The following SEMA5B variants were observed in gnomAD, a reference collection of about 807,000 sequenced individuals.
SEMA5B encodes the protein semaphorin-5B.
Under a neutral mutation model 135.0 loss-of-function variants are expected in SEMA5B, and 66 were observed. The ratio of observed to expected loss-of-function variants is 0.49; its 90% CI spans 0.40 to 0.60. The LOEUF (loss-of-function observed/expected upper bound fraction) is 0.60. Ranked by LOEUF, SEMA5B falls within the 20% of genes least tolerant of loss-of-function variation. SEMA5B has a pLI of 0.00. For synonymous variants in SEMA5B, 690 were observed against 639.5 expected (o/e 1.08, Z -1.19); for missense variants, 1,501 against 1,566.3 (o/e 0.96, Z 0.70).
At position 122,913,555 on chromosome 3, in the gene SEMA5B, G is replaced by A; in HGVS notation, c.2259C>T (p.Asn753=). The change falls in exon 16 of 23, where the codon AAC becomes AAT. Residue 753 remains asparagine, a synonymous_variant. Transcript: ENST00000357599. ...QSRRRACENG[N]SCLGCGVEFK... ...TCACCACGCCGCAGCCCAGGCAGGA[G>A]TTGCCGTTCTCGCAGGCCCGACGCC... 1 of 1,612,662 alleles carries A rather than the reference G, an allele frequency of 6.2e-7. No homozygotes were observed. Among genetic ancestry groups the A allele is most frequent in the Non-Finnish European group, 8.5e-7 (1 of 1,179,844 alleles).
chr3:122,983,359 AT>A (rs576683108), intron 1 of SEMA5B, among the ~76,000 whole-genome samples: 1 of 151,816 alleles, frequency 6.6e-6, no homozygotes, highest in South Asian at 2.1e-4. Flanking sequence ...GTCTAACTTA[AT>A]TTTTTTCTCC....
At chr3:122,984,755 T>C (rs1941643116) in intron 1 of SEMA5B, among the ~76,000 whole-genome samples, 1 of 151,808 alleles carries the variant, frequency 6.6e-6, no homozygotes, top group Non-Finnish European at 1.5e-5. Context: ...AAGTTCTACT[T>C]AAAAAAAAGT....
At chr3:122,946,731 G>T (rs535425102) in intron 3 of SEMA5B, among the ~76,000 whole-genome samples, 4 of 152,088 alleles carry the variant, frequency 2.6e-5, no homozygotes, top group African/African-American at 9.6e-5. Context: ...CACCTCTGAG[G>T]CCCCACAGCA....
rs761003092 is a variant in SEMA5B at position 122,961,139 on chromosome 3, C to T, written c.124+1G>A. 1.6e-5 allele frequency: 25 copies of T among 1,610,290 alleles called. No homozygotes were observed. The South Asian group carries it at 2.1e-4, about 14-fold the overall frequency. On this transcript the variant is annotated splice_donor_variant, in intron 2 of 22. Transcript: ENST00000357599. LOFTEE classifies it high-confidence loss of function. ...CCCCACACTCCCCTGGGCACACTTACCCCTGACCAGTGAGAGAAGCCAGCC... is the reference window on the plus strand; with the variant it reads ...CCCCACACTCCCCTGGGCACACTTATCCCTGACCAGTGAGAGAAGCCAGCC...
At chr3:122,935,149 A>C (rs1198239961) in intron 5 of SEMA5B, among the ~76,000 whole-genome samples, 2 of 152,340 alleles carry the variant, frequency 1.3e-5, no homozygotes, top group East Asian at 3.9e-4. Flanking sequence ...GCTCACTGGG[A>C]ACTCCATGGG....
At chr3:123,020,943 G>GAGAGCTGTTGAAAGGGAGC (rs1304407148) in intron 1 of SEMA5B, among the ~76,000 whole-genome samples, 3 of 152,218 alleles carry the variant, frequency 2.0e-5, no homozygotes, top group African/African-American at 7.2e-5. Flanking sequence ...CTGGAACCTG[G>GAGAGCTGTTGAAAGGGAGC]AGAGCTGTTG....
intron 10 of SEMA5B, 122 bp downstream of exon 10, chr3:122,923,495 C>T: frequency 9.2e-7 from 1 of 1,083,594 alleles, no homozygotes; most frequent in Non-Finnish European, 1.4e-6. Flanking sequence ...CAGAGATGGG[C>T]ATGGACTGGC....
In SEMA5B at chr3:123,018,724, T is replaced by G. The variant is rs532574167; in HGVS notation, c.-39+8740A>C. ...CTGTCCCCAACATCCAATTCTCCAC[T>G]TTAAACAGTATCTGATTTCCAGTAG... On this transcript the variant is annotated intron_variant, in intron 1 of 22. Coordinates refer to ENST00000357599, the MANE Select transcript of SEMA5B (RefSeq NM_001031702.4). 2.2e-4 allele frequency among the ~76,000 whole-genome samples: 34 copies of G among 152,294 alleles called. No homozygotes were observed. In the East Asian group the frequency reaches 6.6e-3, roughly 29 times the overall value.
chr3:123,025,230 GGGC>G (rs1942771340), intron 1 of SEMA5B, among the ~76,000 whole-genome samples: 1 of 152,154 alleles, frequency 6.6e-6, no homozygotes, highest in Admixed American at 6.5e-5. Flanking sequence ...TCCTATCTCA[GGGC>G]AGAGTCAATA....
intron 1 of SEMA5B, among the ~76,000 whole-genome samples, chr3:123,023,096 G>C (rs1174538877): frequency 6.6e-6 from 1 of 152,172 alleles, no homozygotes. Flanking sequence ...CACGATGCCA[G>C]TGAAAAATCC....
intron 2 of SEMA5B, among the ~76,000 whole-genome samples, chr3:122,954,477 C>T (rs1038928129): frequency 2.2e-4 from 34 of 152,370 alleles, no homozygotes; most frequent in African/African-American, 7.9e-4. Flanking sequence ...CTGTCCTCGC[C>T]TTCCTCCTTT....
At chr3:123,011,085 C>T (rs1007633042) in intron 1 of SEMA5B, among the ~76,000 whole-genome samples, 4 of 152,186 alleles carry the variant, frequency 2.6e-5, no homozygotes, top group African/African-American at 9.7e-5. Context: ...GGGAGATGTA[C>T]AGCAAGCCCC....
intron 3 of SEMA5B, among the ~76,000 whole-genome samples, chr3:122,947,866 T>C (rs1019303263): frequency 6.6e-6 from 1 of 152,078 alleles, no homozygotes; most frequent in Non-Finnish European, 1.5e-5. Context: ...GTGTAACAGA[T>C]CGTGAGAGAA....
rs760351333 is a variant in SEMA5B, at chr3:122,929,028, G to A, written c.505C>T (p.Arg169Cys). The A allele has an allele frequency of 7.4e-6, 12 of 1,612,152 alleles. No homozygotes were observed. The highest frequency in any genetic ancestry group is 4.0e-5 in the African/African-American group (3 of 74,930). Residue 169 changes from arginine to cysteine, a missense_variant, in exon 6 of 23, where the codon CGC becomes TGC. Physicochemically the swap from Arg to Cys is radical, Grantham distance 180 (BLOSUM62 -3). Transcript: ENST00000357599. ...ATEWASSEDT[R>C]RSCQSKGKTE... ...TTCCCTTTGCTTTGGCAGGAGCGGC[G>A]CGTGTCCTCACTGGAGGCCCACTCT...
In SEMA5B at chr3:122,913,604, T is replaced by TTGC; in HGVS notation, c.2207_2209dup (p.Ser736dup). 6.2e-7 allele frequency: 1 copy of TTGC among 1,613,406 alleles called. No homozygotes were observed. The highest frequency in any genetic ancestry group is 8.5e-7 in the Non-Finnish European group (1 of 1,179,930). On this transcript the variant is annotated inframe_insertion, in exon 16 of 23. Transcript: ENST00000357599. Reference sequence around the variant, plus strand: ...CCGCGACTGCATGCCCCCTCCACAGTTGCTGCTGCACTTGCTCCAGGAGCC... The same window carrying TTGC: ...CCGCGACTGCATGCCCCCTCCACAGTTGCTGCTGCTGCACTTGCTCCAGGAGCC...
chr3:122,943,284 T>C, intron 4 of SEMA5B, 152 bp downstream of exon 4: 2 of 578,260 alleles, frequency 3.5e-6, no homozygotes, highest in Non-Finnish European at 6.2e-6. Flanking sequence ...CTTCCTCCTG[T>C]GGGGGGACAG....
chr3:122,974,872 A>T (rs1390315284), intron 1 of SEMA5B, among the ~76,000 whole-genome samples: 2 of 152,202 alleles, frequency 1.3e-5, no homozygotes, highest in Non-Finnish European at 2.9e-5. Flanking sequence ...AACAGCTAAC[A>T]GGCTTACTAT....
At chr3:123,025,095 C>T (rs1282858271) in intron 1 of SEMA5B, among the ~76,000 whole-genome samples, 1 of 152,200 alleles carries the variant, frequency 6.6e-6, no homozygotes, top group East Asian at 1.9e-4. Flanking sequence ...TCCTCCAGTC[C>T]TAATGGGGAG....
chr3:122,933,959 G>A (rs1939116532), intron 5 of SEMA5B, among the ~76,000 whole-genome samples: 1 of 150,322 alleles, frequency 6.7e-6, no homozygotes, highest in East Asian at 1.9e-4. Context: ...CCAGGCTGGA[G>A]TGCAGTGGCA....
Sources: gnomAD v4.1 joint callset for allele counts (sites outside exome capture counted in the v4.1 genomes callset) on GRCh38, gnomAD v4.1.1 for gene constraint, MANE v1.5 for transcripts, NCBI Gene and HGNC (gene_info 2026-07-23, HGNC 2026-07-21) for gene names.